The following B4GALT1 variants were observed in gnomAD, a reference collection of about 807,000 sequenced individuals.
B4GALT1 encodes the protein beta-1,4-galactosyltransferase 1.
A neutral mutation model predicts 34.9 loss-of-function variants in B4GALT1; 16 were observed. The ratio of observed to expected loss-of-function variants is 0.46; its 90% CI spans 0.31 to 0.70. The LOEUF is 0.70. Among genes scored for constraint, B4GALT1 ranks in the 30% least tolerant of loss-of-function variants. B4GALT1 has a pLI of 0.05. For synonymous variants in B4GALT1, 221 were observed against 218.1 expected (o/e 1.01, Z -0.12); for missense variants, 445 against 530.5 (o/e 0.84, Z 1.58).
rs544104544 is a variant in B4GALT1 at position 33,154,002 on chromosome 9, G to GGA, written c.412+12754_412+12755dup. Among the ~76,000 whole-genome samples the GGA allele has an allele frequency of 3.1e-3, 393 of 127,024 alleles. 12 individuals carry two copies. Among genetic ancestry groups the GGA allele is most frequent in the Admixed American group, 0.025 (307 of 12,132 alleles). The allele number at this position is 127,024 out of a possible 152,430, so 83.3% of individuals were successfully genotyped here. ...GGAGGGGAAAAGAAGGGAGGGGAGG[G>GGA]GAGAGAGAGAGAGAGAGAGGAAGGA... On this transcript the variant is annotated intron_variant, in intron 1 of 5. Transcript: ENST00000379731.
At chr9:33,150,845 G>A (rs1887876) in intron 1 of B4GALT1, among the ~76,000 whole-genome samples, 149,276 of 152,316 alleles carry the variant, frequency 0.98, 73,193 homozygotes, top group East Asian at 1. Flanking sequence ...ATAGTTGCCT[G>A]TGATATACCT....
At chr9:33,182,269 G>T in the B4GALT1 span, among the ~76,000 whole-genome samples, 2 of 152,098 alleles carry the variant, frequency 1.3e-5, no homozygotes, top group East Asian at 3.8e-4. Context: ...CTGTTGATGT[G>T]TCCTCTCCTC....
chr9:33,123,633 G>A (rs2118074847), intron 2 of B4GALT1, among the ~76,000 whole-genome samples: 1 of 152,328 alleles, frequency 6.6e-6, no homozygotes, highest in South Asian at 2.1e-4. Flanking sequence ...AACTGCAGCA[G>A]AGGGCTCTTT....
the B4GALT1 span, among the ~76,000 whole-genome samples, chr9:33,180,146 C>T: frequency 6.6e-6 from 1 of 152,118 alleles, no homozygotes; most frequent in Admixed American, 6.6e-5. Flanking sequence ...AAGTGATCCT[C>T]CCACCTCAGC....
At chr9:33,145,335 A>G (rs1326150413) in intron 1 of B4GALT1, among the ~76,000 whole-genome samples, 4 of 152,210 alleles carry the variant, frequency 2.6e-5, no homozygotes, top group Non-Finnish European at 5.9e-5. Context: ...TCACATAGCC[A>G]CACCAAACAG....
chr9:33,145,935 T>C (rs1190170589), intron 1 of B4GALT1, among the ~76,000 whole-genome samples: 3 of 152,184 alleles, frequency 2.0e-5, no homozygotes, highest in Non-Finnish European at 4.4e-5. Flanking sequence ...ATACCATATG[T>C]GGTCACAGAT....
intron 2 of B4GALT1, among the ~76,000 whole-genome samples, chr9:33,125,029 G>C (rs558241818): frequency 3.3e-5 from 5 of 152,344 alleles, no homozygotes; most frequent in African/African-American, 1.2e-4. Flanking sequence ...TGGTAGACAA[G>C]AGTTACAGTT....
chr9:33,165,258 A>G (rs1178977354), intron 1 of B4GALT1, among the ~76,000 whole-genome samples: 1 of 152,072 alleles, frequency 6.6e-6, no homozygotes, highest in Non-Finnish European at 1.5e-5. Context: ...GTGAGCCACC[A>G]TGCCCAGCCT....
chr9:33,110,021 G>A (rs1209392840), downstream of B4GALT1, among the ~76,000 whole-genome samples: 3 of 152,258 alleles, frequency 2.0e-5, no homozygotes, highest in African/African-American at 7.2e-5. Context: ...CAGGCCTGAG[G>A]TCACCAGGGA....
In B4GALT1 at chr9:33,150,666, CA is replaced by C. The variant is rs1423193979; in HGVS notation, c.413-15243del. ...TATCCTGATTGTGGTGGTAGATACA[CA>C]AAAATATGTATGTGTTAAAATTTAT... On this transcript the variant is annotated intron_variant, in intron 1 of 5. Coordinates refer to ENST00000379731, the MANE Select transcript of B4GALT1 (RefSeq NM_001497.4). 3.3e-5 allele frequency among the ~76,000 whole-genome samples: 5 copies of C among 151,854 alleles called. No homozygotes were observed. In the East Asian group the frequency reaches 7.7e-4, roughly 23 times the overall value.
At chr9:33,123,440 A>C (rs911342081) in intron 2 of B4GALT1, among the ~76,000 whole-genome samples, 6 of 152,146 alleles carry the variant, frequency 3.9e-5, no homozygotes, top group Non-Finnish European at 8.8e-5. Flanking sequence ...AATCATCTTG[A>C]CAATCTTGTA....
chr9:33,184,949 C>T, the B4GALT1 span, among the ~76,000 whole-genome samples: 129 of 152,240 alleles, frequency 8.5e-4, 1 homozygote, highest in African/African-American at 3.1e-3. Context: ...CCTACCAGTT[C>T]AGGAAACATA....
intron 1 of B4GALT1, among the ~76,000 whole-genome samples, chr9:33,161,138 A>C (rs1840669566): frequency 6.6e-6 from 1 of 152,114 alleles, no homozygotes; most frequent in African/African-American, 2.4e-5. Flanking sequence ...AGACTTTAAA[A>C]TCACTGCCAA....
chr9:33,135,038 C>T, intron 2 of B4GALT1, 151 bp downstream of exon 2: 1 of 784,296 alleles, frequency 1.3e-6, no homozygotes, highest in Admixed American at 2.0e-5. Context: ...TTTACCTCAT[C>T]TGCACTGGTG....
At chr9:33,110,316 G>GT (rs1315187019), downstream of B4GALT1, among the ~76,000 whole-genome samples, 1 of 152,214 alleles carries the variant, frequency 6.6e-6, no homozygotes, top group Non-Finnish European at 1.5e-5. Context: ...AATGATCCTG[G>GT]TATCTGTTGA....
upstream of B4GALT1, among the ~76,000 whole-genome samples, chr9:33,169,050 C>T (rs1387375343): frequency 6.6e-6 from 1 of 152,216 alleles, no homozygotes; most frequent in Admixed American, 6.5e-5. Flanking sequence ...CACCACCAGC[C>T]AACTCTGATG....
chr9:33,185,040 G>T, the B4GALT1 span, among the ~76,000 whole-genome samples: 1 of 152,126 alleles, frequency 6.6e-6, no homozygotes, highest in Non-Finnish European at 1.5e-5. Flanking sequence ...GAAGGGTCCT[G>T]GGTAGCCATG....
At chr9:33,180,276 G>T in the B4GALT1 span, among the ~76,000 whole-genome samples, 1 of 152,050 alleles carries the variant, frequency 6.6e-6, no homozygotes. Flanking sequence ...ATTGGGCTTT[G>T]ACTACCTGGG....
Position 33,111,666 on chromosome 9 carries a change from G to A in B4GALT1, c.*1788C>T, listed in dbSNP as rs1275407098. On this transcript the variant is annotated 3_prime_UTR_variant, in exon 6 of 6. Transcript: ENST00000379731. ...CCTCCACACTGAGGGCTGGTACCCA[G>A]GAGGGCAGTGGTTTGGGGTCCGCCA... 1 of 152,736 alleles carries A rather than the reference G, an allele frequency of 6.5e-6. No individual in the cohort carries two copies. Among genetic ancestry groups the A allele is most frequent in the African/African-American group, 2.4e-5 (1 of 41,472 alleles). The allele number at this position is 152,736 out of a possible 1,614,324, so 9.5% of individuals were successfully genotyped here.
Sources: gnomAD v4.1 joint callset for allele counts (sites outside exome capture counted in the v4.1 genomes callset) on GRCh38, gnomAD v4.1.1 for gene constraint, MANE v1.5 for transcripts, NCBI Gene and HGNC (gene_info 2026-07-23, HGNC 2026-07-21) for gene names.